ZNF423: variants seen among roughly 807,000 people sequenced by gnomAD.
The protein encoded by ZNF423 is Ebf-associated zinc finger protein.
Under a neutral mutation model 95.8 loss-of-function variants are expected in ZNF423, and 12 were observed. That is an observed-to-expected ratio of 0.13 (90% CI 0.08 to 0.20). The LOEUF (loss-of-function observed/expected upper bound fraction) is 0.20. ZNF423 is among the 10% of genes least tolerant of loss of function. The pLI, the probability that ZNF423 is intolerant of heterozygous loss-of-function variation, is 1.00. For missense variants in ZNF423, 1,316 were observed against 1,737.1 expected (o/e 0.76, Z 4.31); for synonymous variants, 749 against 711.9 (o/e 1.05, Z -0.83).
In ZNF423 at chr16:49,506,055, C is replaced by CGT. The variant is rs985480778; in HGVS notation, c.3850-14753_3850-14752dup. On this transcript the variant is annotated intron_variant, in intron 7 of 7. Coordinates refer to ENST00000563137, the MANE Select transcript of ZNF423 (RefSeq NM_001379286.1). ...ATCTCACCAGAGGGGTGTGTGCTTT[C>CGT]GTGTGTGTGTGTATGTGTGTGTAGG... Among the ~76,000 whole-genome samples, 7 of 152,122 alleles carry CGT rather than the reference C, an allele frequency of 4.6e-5. 1 individual carries two copies. The South Asian group carries it at 6.2e-4, about 14-fold the overall frequency.
At chr16:49,658,280 C>T (rs577572055) in intron 3 of ZNF423, among the ~76,000 whole-genome samples, 6 of 152,202 alleles carry the variant, frequency 3.9e-5, no homozygotes, top group East Asian at 3.9e-4. Context: ...TCCCCAGCAC[C>T]GTGCCTGGCC....
intron 5 of ZNF423, among the ~76,000 whole-genome samples, chr16:49,590,753 AC>A (rs1970989053): frequency 6.6e-6 from 1 of 151,986 alleles, no homozygotes; most frequent in African/African-American, 2.4e-5. Context: ...AGTAATTAAC[AC>A]CCGCACTTGA....
At chr16:49,765,373 T>C (rs1871594965) in intron 2 of ZNF423, among the ~76,000 whole-genome samples, 1 of 152,126 alleles carries the variant, frequency 6.6e-6, no homozygotes, top group Non-Finnish European at 1.5e-5. Flanking sequence ...CACACATAAA[T>C]GGTTAAAATG....
intron 5 of ZNF423, among the ~76,000 whole-genome samples, chr16:49,552,464 T>C (rs4785318): frequency 0.94 from 143,329 of 152,250 alleles, 67,536 homozygotes; most frequent in East Asian, 1. Flanking sequence ...CCCCTGCAGC[T>C]GTCCCCAAGG....
intron 4 of ZNF423, among the ~76,000 whole-genome samples, chr16:49,629,831 C>T (rs1835850951): frequency 6.6e-6 from 1 of 152,210 alleles, no homozygotes; most frequent in Non-Finnish European, 1.5e-5. Flanking sequence ...CTTCAGTGTC[C>T]TGGACCCACA....
intron 5 of ZNF423, among the ~76,000 whole-genome samples, chr16:49,612,474 A>AAAAC (rs1555512227): frequency 4.0e-5 from 6 of 151,874 alleles, no homozygotes; most frequent in East Asian, 3.9e-4. Context: ...TTCATGGTAA[A>AAAAC]AAACAAACAA....
intron 5 of ZNF423, among the ~76,000 whole-genome samples, chr16:49,611,654 T>C (rs951498294): frequency 6.6e-6 from 1 of 151,708 alleles, no homozygotes; most frequent in African/African-American, 2.4e-5. Flanking sequence ...TCAGAAACCC[T>C]GAAACAGAAA....
rs544166288 is a variant in ZNF423 at position 49,832,258 on chromosome 16, C to A, written c.40+23477G>T. 2.0e-5 allele frequency among the ~76,000 whole-genome samples: 3 copies of A among 152,316 alleles called. No individual in the cohort carries two copies. The South Asian group carries it at 6.2e-4, about 32-fold the overall frequency. ...CAGTAGATTCCAAAATCGGGCCAAGCCAGCTGACCGAGCTGGGCGGCGATG... is the reference window on the plus strand; with the variant it reads ...CAGTAGATTCCAAAATCGGGCCAAGACAGCTGACCGAGCTGGGCGGCGATG... On this transcript the variant is annotated intron_variant, in intron 1 of 7. Transcript: ENST00000563137.
chr16:49,756,658 G>GACCA (rs1201085416), intron 2 of ZNF423, among the ~76,000 whole-genome samples: 1 of 152,174 alleles, frequency 6.6e-6, no homozygotes, highest in Non-Finnish European at 1.5e-5. Flanking sequence ...GGACCTAAGA[G>GACCA]ACCACCTCAT....
chr16:49,665,093 C>T (rs78981899), intron 3 of ZNF423, among the ~76,000 whole-genome samples: 1,722 of 152,272 alleles, frequency 0.011, 33 homozygotes, highest in African/African-American at 0.039. Flanking sequence ...GAAGTCCCCA[C>T]ACCCGCCATA....
intron 1 of ZNF423, among the ~76,000 whole-genome samples, chr16:49,850,157 C>T (rs11859645): frequency 0.016 from 2,362 of 152,224 alleles, 62 homozygotes; most frequent in African/African-American, 0.054. Context: ...TGGCTGCCAC[C>T]GATCCTGGCA....
chr16:49,854,580 C>A (rs547827491), intron 1 of ZNF423: 1 of 985,466 alleles, frequency 1.0e-6, no homozygotes, highest in South Asian at 4.7e-5. Flanking sequence ...CTTAGCCGCT[C>A]TCATCGTTCC....
At chr16:49,644,854 T>C (rs1234359516) in intron 3 of ZNF423, among the ~76,000 whole-genome samples, 1 of 151,714 alleles carries the variant, frequency 6.6e-6, no homozygotes, top group Non-Finnish European at 1.5e-5. Context: ...TTCCAGACCA[T>C]GCAAAGGAGA....
chr16:49,500,894 C>G (rs1227056444), intron 7 of ZNF423, among the ~76,000 whole-genome samples: 1 of 151,304 alleles, frequency 6.6e-6, no homozygotes, highest in East Asian at 1.9e-4. Flanking sequence ...AGGGTGAGAC[C>G]TCATTTAAAA....
chr16:49,783,576 G>C (rs570044984), intron 2 of ZNF423, among the ~76,000 whole-genome samples: 54 of 143,596 alleles, frequency 3.8e-4, no homozygotes, highest in African/African-American at 1.3e-3. Context: ...TGGGAAAGAG[G>C]GGGGGTTAGG....
chr16:49,691,278 C>T (rs2031770308), intron 3 of ZNF423, among the ~76,000 whole-genome samples: 2 of 152,214 alleles, frequency 1.3e-5, no homozygotes, highest in African/African-American at 4.8e-5. Flanking sequence ...GGGGTCTGTG[C>T]AAATATTCAC....
At chr16:49,597,022 C>T (rs1971203692) in intron 5 of ZNF423, among the ~76,000 whole-genome samples, 1 of 152,228 alleles carries the variant, frequency 6.6e-6, no homozygotes, top group African/African-American at 2.4e-5. Context: ...CATCCAACCA[C>T]CTAAGAGCTC....
intron 5 of ZNF423, among the ~76,000 whole-genome samples, chr16:49,617,512 T>C (rs929169892): frequency 2.0e-5 from 3 of 152,214 alleles, no homozygotes; most frequent in East Asian, 3.9e-4. Context: ...AACATGCTTA[T>C]GAGCCGGCTC....
At position 49,491,175 on chromosome 16, in the gene ZNF423, G is replaced by A; in HGVS notation, c.*100C>T. 7.1e-7 allele frequency: 1 copy of A among 1,406,206 alleles called. No individual in the cohort carries two copies. The highest frequency in any genetic ancestry group is 1.0e-6 in the Non-Finnish European group (1 of 992,336). 87.1% of individuals were successfully genotyped at this position (1,406,206 alleles called of 1,614,324 possible). A position where few individuals can be genotyped will look rare whatever the true frequency, so the allele number is the denominator to read the frequency against. On this transcript the variant is annotated 3_prime_UTR_variant, in exon 8 of 8. Coordinates refer to ENST00000563137, the MANE Select transcript of ZNF423 (RefSeq NM_001379286.1). ...CCAAATCATTAGAGTTTTACATCTG[G>A]GTTGCAAATGACACTTTGATTGGAT...
Sources: gnomAD v4.1 joint callset for allele counts (sites outside exome capture counted in the v4.1 genomes callset) on GRCh38, gnomAD v4.1.1 for gene constraint, MANE v1.5 for transcripts, NCBI Gene and HGNC (gene_info 2026-07-23, HGNC 2026-07-21) for gene names.